ZBTB38: variants seen among roughly 807,000 people sequenced by gnomAD.
ZBTB38 encodes zinc finger and BTB domain containing 38.
In ZBTB38, 20 loss-of-function variants were observed where a neutral mutation model predicts 76.8. That is an observed-to-expected ratio of 0.26 (90% CI 0.18 to 0.38). ZBTB38 has a LOEUF of 0.38. ZBTB38 is among the 10% of genes least tolerant of loss of function. ZBTB38 has a pLI of 1.00. For missense variants in ZBTB38, 1,082 were observed against 1,482.3 expected (o/e 0.73, Z 4.43); for synonymous variants, 504 against 544.2 (o/e 0.93, Z 1.03).
rs969965345 is a variant in ZBTB38 at position 141,447,063 on chromosome 3, G to A, written c.*1087G>A. 1.1e-4 allele frequency: 17 copies of A among 152,564 alleles called. No homozygotes were observed. The highest frequency in any genetic ancestry group is 4.1e-4 in the African/African-American group (17 of 41,452). 9.5% of individuals were successfully genotyped at this position (152,564 alleles called of 1,614,324 possible). A position where few individuals can be genotyped will look rare whatever the true frequency, so the allele number is the denominator to read the frequency against. On this transcript the variant is annotated 3_prime_UTR_variant, in exon 6 of 6. Transcript: ENST00000321464. Reference sequence around the variant, plus strand: ...ATTTAGTGCAAGGTACACTGCAGTAGTGAATTCCCAGGCACTTGAAAGTGA... The same window carrying A: ...ATTTAGTGCAAGGTACACTGCAGTAATGAATTCCCAGGCACTTGAAAGTGA...
At chr3:141,431,341 A>AAAAAAAAAAAAAAAT in intron 5 of ZBTB38, among the ~76,000 whole-genome samples, 1 of 103,296 alleles carries the variant, frequency 9.7e-6, no homozygotes, top group East Asian at 3.0e-4. Context: ...AAAAAAAAAA[A>AAAAAAAAAAAAAAAT]ATATATATAT....
chr3:141,441,032 C>CAAAA (rs202075469), intron 5 of ZBTB38, among the ~76,000 whole-genome samples: 4 of 64,608 alleles, frequency 6.2e-5, no homozygotes, highest in African/African-American at 1.5e-4. Context: ...GACTCAATCT[C>CAAAA]AAAAAAAAAA....
chr3:141,379,062 T>C (rs1945821055), intron 2 of ZBTB38, among the ~76,000 whole-genome samples: 1 of 152,218 alleles, frequency 6.6e-6, no homozygotes, highest in South Asian at 2.1e-4. Flanking sequence ...GGCTTTCTTT[T>C]AACAGCGCTG....
Position 141,431,338 on chromosome 3 carries a change from A to AT in ZBTB38, c.1-11051_1-11050insT, listed in dbSNP as rs1174720035. ...GACTTCGTCTCAAAAAAAAAAAAAAAAAAATATATATATATATTTGGGGGG... is the reference window on the plus strand; with the variant it reads ...GACTTCGTCTCAAAAAAAAAAAAAAATAAAATATATATATATATTTGGGGGG... On this transcript the variant is annotated intron_variant, in intron 5 of 5. Coordinates refer to ENST00000321464, the MANE Select transcript of ZBTB38 (RefSeq NM_001376113.1). 1.6e-3 allele frequency among the ~76,000 whole-genome samples: 199 copies of AT among 123,328 alleles called. 1 individual carries two copies. Among genetic ancestry groups the AT allele is most frequent in the African/African-American group, 3.1e-3 (84 of 27,314 alleles). 80.9% of individuals were successfully genotyped at this position (123,328 alleles called of 152,430 possible).
At position 141,436,916 on chromosome 3, in the gene ZBTB38, C is replaced by T. The variant is rs995708442; in HGVS notation, c.1-5473C>T. Reference sequence around the variant, plus strand: ...TGTGGGGACCGGATTTGCTGCATGGCTTACAGTGGGCCTCCTTTGGTCTGC... The same window carrying T: ...TGTGGGGACCGGATTTGCTGCATGGTTTACAGTGGGCCTCCTTTGGTCTGC... On this transcript the variant is annotated intron_variant, in intron 5 of 5. Transcript: ENST00000321464. Among the ~76,000 whole-genome samples the T allele has an allele frequency of 2.0e-5, 3 of 152,324 alleles. No individual in the cohort carries two copies. In the East Asian group the frequency reaches 5.8e-4, roughly 29 times the overall value.
intron 5 of ZBTB38, among the ~76,000 whole-genome samples, chr3:141,414,706 C>T (rs2073543069): frequency 6.6e-6 from 1 of 152,170 alleles, no homozygotes; most frequent in African/African-American, 2.4e-5. Flanking sequence ...ACCAAGCCTG[C>T]AGAGGCTAAC....
chr3:141,431,118 C>G (rs991774819), intron 5 of ZBTB38, among the ~76,000 whole-genome samples: 3 of 151,666 alleles, frequency 2.0e-5, no homozygotes, highest in Non-Finnish European at 4.4e-5. Flanking sequence ...AGGTCAGGAG[C>G]TTGAGACCAG....
chr3:141,363,326 T>C (rs1367089219), intron 1 of ZBTB38, among the ~76,000 whole-genome samples: 1 of 152,254 alleles, frequency 6.6e-6, no homozygotes, highest in Non-Finnish European at 1.5e-5. Context: ...ACTCCCAAAA[T>C]TGATCTGCAG....
intron 1 of ZBTB38, among the ~76,000 whole-genome samples, chr3:141,326,428 A>G (rs1942677293): frequency 6.6e-6 from 1 of 152,124 alleles, no homozygotes; most frequent in Admixed American, 6.5e-5. Flanking sequence ...AGGGTGGGGG[A>G]CAGGAAATGG....
intron 1 of ZBTB38, among the ~76,000 whole-genome samples, chr3:141,328,856 G>T (rs1942756668): frequency 6.6e-6 from 1 of 151,982 alleles, no homozygotes; most frequent in Non-Finnish European, 1.5e-5. Context: ...AAACTACTGG[G>T]GATTCCCTTT....
At chr3:141,373,784 G>A (rs1344965187) in intron 2 of ZBTB38, among the ~76,000 whole-genome samples, 1 of 152,186 alleles carries the variant, frequency 6.6e-6, no homozygotes, top group East Asian at 1.9e-4. Flanking sequence ...GAATAAGTAG[G>A]TGATATATGC....
At chr3:141,333,690 G>A (rs562829795) in intron 1 of ZBTB38, among the ~76,000 whole-genome samples, 76 of 152,014 alleles carry the variant, frequency 5.0e-4, no homozygotes, top group Non-Finnish European at 9.6e-4. Context: ...GCCTTGCATT[G>A]ACCCCTTGCC....
At chr3:141,357,113 A>C (rs984733298) in intron 1 of ZBTB38, among the ~76,000 whole-genome samples, 1 of 152,128 alleles carries the variant, frequency 6.6e-6, no homozygotes. Flanking sequence ...AATCTTTTCC[A>C]TGTTTGCCAA....
chr3:141,367,492 T>C (rs1186785053), upstream of ZBTB38: 1 of 152,270 alleles, frequency 6.6e-6, no homozygotes, highest in Non-Finnish European at 1.5e-5. Flanking sequence ...ATTGTTTCCT[T>C]GTAGGATGTG....
In ZBTB38 at chr3:141,443,322, A is replaced by G; in HGVS notation, c.934A>G (p.Asn312Asp). The change falls in exon 6 of 6, where the codon AAT (asparagine) becomes GAT (aspartate). Residue 312 changes from asparagine (N) to aspartate (D), a missense_variant. Asn to Asp is a conservative substitution (Grantham distance 23). Coordinates refer to ENST00000321464, the MANE Select transcript of ZBTB38 (RefSeq NM_001376113.1). This position sits in a 1 kb window ranked among gnomAD's most constrained non-coding sequence, Gnocchi z 5.6. ...AVLTRSKSPN[N>D]EGDVHFSRED... ...TCTCACTCGTTCAAAATCTCCAAAC[A>G]ATGAAGGAGATGTCCATTTTTCCAG... The G allele has an allele frequency of 6.2e-7, 1 of 1,614,154 alleles. No homozygotes were observed. The highest frequency in any genetic ancestry group is 8.5e-7 in the Non-Finnish European group (1 of 1,180,030).
At chr3:141,426,447 C>T (rs2076404488) in intron 5 of ZBTB38, among the ~76,000 whole-genome samples, 1 of 152,218 alleles carries the variant, frequency 6.6e-6, no homozygotes, top group Non-Finnish European at 1.5e-5. Flanking sequence ...GGATGCAGAG[C>T]ATCTACAGTT....
At chr3:141,335,982 T>C (rs1037680551) in intron 1 of ZBTB38, among the ~76,000 whole-genome samples, 11 of 152,130 alleles carry the variant, frequency 7.2e-5, no homozygotes, top group South Asian at 2.1e-4. Flanking sequence ...GGGGAAAATA[T>C]CATATATTCT....
In ZBTB38 at chr3:141,445,001, G is replaced by A; in HGVS notation, c.2613G>A (p.Gln871=). 6.2e-7 allele frequency: 1 copy of A among 1,614,210 alleles called. No individual in the cohort carries two copies. The highest frequency in any genetic ancestry group is 2.2e-5 in the East Asian group (1 of 44,880). The change falls in exon 6 of 6, where the codon CAG becomes CAA. Residue 871 remains glutamine (Q), a synonymous_variant. Transcript: ENST00000321464. The surrounding 1 kb of genome is among the most constrained non-coding windows in gnomAD (Gnocchi z 6.5). ...GGAGAAGACCCAAGTATCAGATGCA[G>A]GAGGAGCCTTTGCCACAGGGGAATG... ...KRGRRPKYQM[Q]EEPLPQGNDP...
intron 5 of ZBTB38, chr3:141,427,726 C>T (rs1577347423): frequency 6.6e-6 from 1 of 152,558 alleles, no homozygotes; most frequent in East Asian, 1.9e-4. Flanking sequence ...TGAAGCTTCA[C>T]ACTCACCAGT....
Sources: allele counts gnomAD v4.1 joint callset (sites outside exome capture counted in the v4.1 genomes callset), GRCh38; gene constraint gnomAD v4.1.1; non-coding constraint Gnocchi (gnomAD v3.1); transcripts MANE v1.5; gene names NCBI Gene and HGNC (gene_info 2026-07-23, HGNC 2026-07-21).